Variants in SUN3 observed in about 807,000 individuals in gnomAD.
The protein encoded by SUN3 is Sad1 and UNC84 domain containing 3, also known as SUN domain-containing protein 3.
Under a neutral mutation model 48.2 loss-of-function variants are expected in SUN3, and 36 were observed. The observed-to-expected ratio is 0.75, with a 90% CI of 0.57 to 0.99. The LOEUF is 0.99. Among genes scored for constraint, SUN3 ranks in the 50% least tolerant of loss-of-function variants. The pLI is 0.00. For missense variants in SUN3, 419 were observed against 433.1 expected (o/e 0.97, Z 0.29); for synonymous variants, 148 against 147.9 (o/e 1.00, Z 0.00).
chr7:48,026,186 A>C (rs1173801654), intron 1 of SUN3, among the ~76,000 whole-genome samples: 1 of 152,128 alleles, frequency 6.6e-6, no homozygotes, highest in Admixed American at 6.5e-5. Context: ...TCTTACTTTC[A>C]CATATGCAAT....
At chr7:47,996,863 G>A (rs1789227581) in intron 6 of SUN3, among the ~76,000 whole-genome samples, 3 of 148,994 alleles carry the variant, frequency 2.0e-5, no homozygotes, top group South Asian at 4.2e-4. Context: ...GTGCAGTGGT[G>A]GAATCTTGGC....
At chr7:47,996,002 G>A in intron 7 of SUN3, 29 bp downstream of exon 7, 1 of 1,318,180 alleles carries the variant, frequency 7.6e-7, no homozygotes, top group Non-Finnish European at 1.0e-6. Context: ...TTCTAAAATA[G>A]AAATAAGTGA....
rs775470444 is a variant in SUN3 at position 47,987,313 on chromosome 7, C to A, written c.*17G>T. Reference sequence around the variant, plus strand: ...GAATATTCTGGACATGTGGCATGGCCTTCTGTACCAACTCTTCTAGATGTG... The same window carrying A: ...GAATATTCTGGACATGTGGCATGGCATTCTGTACCAACTCTTCTAGATGTG... On this transcript the variant is annotated 3_prime_UTR_variant, in exon 10 of 10. Transcript: ENST00000297325. 2.0e-5 allele frequency: 32 copies of A among 1,606,284 alleles called. No homozygotes were observed. The highest frequency in any genetic ancestry group is 2.6e-5 in the Non-Finnish European group (31 of 1,176,266).
At chr7:48,024,173 C>T (rs1013513829) in intron 2 of SUN3, among the ~76,000 whole-genome samples, 1 of 152,150 alleles carries the variant, frequency 6.6e-6, no homozygotes, top group Non-Finnish European at 1.5e-5. Flanking sequence ...ATGACACCCT[C>T]AAAATTACAA....
At chr7:48,002,847 C>A (rs1375825487) in intron 6 of SUN3, among the ~76,000 whole-genome samples, 1 of 152,160 alleles carries the variant, frequency 6.6e-6, no homozygotes, top group Non-Finnish European at 1.5e-5. Flanking sequence ...CAGGCTGAGA[C>A]TATGGGGTTT....
chr7:48,004,294 T>C (rs74490145), intron 6 of SUN3, among the ~76,000 whole-genome samples: 3,699 of 152,306 alleles, frequency 0.024, 147 homozygotes, highest in African/African-American at 0.084. Context: ...TACTGAATAT[T>C]ATACTGTAAG....
chr7:48,023,677 T>C (rs1422237317), intron 2 of SUN3, among the ~76,000 whole-genome samples: 4 of 152,216 alleles, frequency 2.6e-5, no homozygotes, highest in Admixed American at 2.6e-4. Flanking sequence ...AACTATATGC[T>C]GCTTACAAGA....
chr7:47,994,179 G>A (rs944242902), intron 8 of SUN3, 136 bp downstream of exon 8: 1 of 730,506 alleles, frequency 1.4e-6, no homozygotes, highest in African/African-American at 1.8e-5. Flanking sequence ...CTCTCTCTTT[G>A]TAGGTGAGAA....
At chr7:48,005,035 C>A (rs1455729844) in intron 6 of SUN3, among the ~76,000 whole-genome samples, 1 of 152,248 alleles carries the variant, frequency 6.6e-6, no homozygotes, top group African/African-American at 2.4e-5. Context: ...CTTTTCCTCA[C>A]TCTGCATGTG....
the SUN3 span, chr7:48,035,672 T>C: frequency 3.1e-6 from 2 of 636,598 alleles, no homozygotes; most frequent in South Asian, 3.4e-5. This position sits in a 1 kb window ranked among gnomAD's most constrained non-coding sequence, Gnocchi z 4.0. Flanking sequence ...GCGCCCACTG[T>C]GGTCCCGGGC....
chr7:48,028,852 A>G lies in SUN3; in HGVS notation c.87T>C (p.Ala29=), dbSNP rs1333672679. ...CAGGATTTTCGTCCTCTGATAACAA[A>G]GCATTGCCACTGGCGCTACCGCTGG... The part of the protein sequence containing the change: ...EDASGSASGN[A]LLSEDENPDA... Residue 29 remains alanine, a synonymous_variant, in exon 1 of 10, where the codon GCT becomes GCC. Transcript: ENST00000297325. 1 of 1,613,992 alleles carries G rather than the reference A, an allele frequency of 6.2e-7. No homozygotes were observed. The highest frequency in any genetic ancestry group is 1.7e-5 in the Admixed American group (1 of 60,026).
At chr7:48,008,952 C>G (rs1311740201) in intron 4 of SUN3, 83 bp downstream of exon 4, 1 of 1,351,870 alleles carries the variant, frequency 7.4e-7, no homozygotes, top group African/African-American at 1.5e-5. Context: ...AGTAACTTTT[C>G]TTTCTTATAC....
In SUN3 at chr7:47,996,257, C is replaced by T. The variant is rs112216751; in HGVS notation, c.578-111G>A. 564 of 603,026 alleles carry T rather than the reference C, an allele frequency of 9.4e-4. 8 individuals carry two copies. In the African/African-American group the frequency reaches 9.9e-3, roughly 11 times the overall value. 37.4% of individuals were successfully genotyped at this position (603,026 alleles called of 1,614,324 possible). On this transcript the variant is annotated intron_variant, in intron 6 of 9. Transcript: ENST00000297325. Reference sequence around the variant, plus strand: ...AAATTATTACTGGGCAAATTATAAGCGAGGTAAAATTCATACTCAGGAATT... The same window carrying T: ...AAATTATTACTGGGCAAATTATAAGTGAGGTAAAATTCATACTCAGGAATT...
chr7:48,010,608 T>A (rs1332559811), intron 3 of SUN3, among the ~76,000 whole-genome samples: 1 of 152,140 alleles, frequency 6.6e-6, no homozygotes, highest in Non-Finnish European at 1.5e-5. Context: ...CTTGGAGGAT[T>A]CCCGCAGCAG....
chr7:48,025,589 A>T (rs1346116956), intron 2 of SUN3, among the ~76,000 whole-genome samples: 1 of 152,240 alleles, frequency 6.6e-6, no homozygotes, highest in Non-Finnish European at 1.5e-5. Flanking sequence ...CAATAAATAT[A>T]TTAGAAATTC....
upstream of SUN3, chr7:48,029,192 T>C (rs1245688524): frequency 8.9e-6 from 4 of 449,340 alleles, no homozygotes; most frequent in East Asian, 4.6e-5. Flanking sequence ...GGCAACCACC[T>C]CTCTGCTTCA....
Position 48,028,902 on chromosome 7 carries a change from A to C in SUN3, c.37T>G (p.Phe13Val), listed in dbSNP as rs1790212084. The C allele has an allele frequency of 6.2e-7, 1 of 1,613,858 alleles. No individual in the cohort carries two copies. Among genetic ancestry groups the C allele is most frequent in the Admixed American group, 1.7e-5 (1 of 59,988 alleles). The change falls in exon 1 of 10, where the codon TTT becomes GTT. Residue 13 changes from phenylalanine (F) to valine (V), a missense_variant. Phe to Val is a conservative substitution (Grantham distance 50, BLOSUM62 -1). Transcript: ENST00000297325. ...GCGTCTTCAGAGCAACGTCTAAAAAACATGGCAGCCCTTCTTGCCTTTGTT... is the reference window on the plus strand; with the variant it reads ...GCGTCTTCAGAGCAACGTCTAAAAACCATGGCAGCCCTTCTTGCCTTTGTT... ...GKTKARRAAM[F>V]FRRCSEDASG...
chr7:48,017,985 C>A (rs1001921968), intron 2 of SUN3, among the ~76,000 whole-genome samples: 5 of 152,194 alleles, frequency 3.3e-5, no homozygotes. Context: ...AAGAGGCAGT[C>A]TCTTTCTGGA....
At position 48,028,883 on chromosome 7, in the gene SUN3, T is replaced by A; in HGVS notation, c.56A>T (p.Glu19Val). The A allele has an allele frequency of 6.8e-6, 11 of 1,613,996 alleles. No homozygotes were observed. The highest frequency in any genetic ancestry group is 9.3e-6 in the Non-Finnish European group (11 of 1,179,868). ...GCCACTGGCGCTACCGCTGGCGTCTTCAGAGCAACGTCTAAAAAACATGGC... is the reference window on the plus strand; with the variant it reads ...GCCACTGGCGCTACCGCTGGCGTCTACAGAGCAACGTCTAAAAAACATGGC... ...RAAMFFRRCS[E>V]DASGSASGNA... Residue 19 changes from glutamate to valine, a missense_variant, in exon 1 of 10, where the codon GAA becomes GTA. Physicochemically the swap from Glu to Val is moderately radical, Grantham distance 121 (BLOSUM62 -2). Coordinates refer to ENST00000297325, the MANE Select transcript of SUN3 (RefSeq NM_001030019.2).
Sources: allele counts gnomAD v4.1 joint callset (sites outside exome capture counted in the v4.1 genomes callset), GRCh38; gene constraint gnomAD v4.1.1; non-coding constraint Gnocchi (gnomAD v3.1); transcripts MANE v1.5; gene names NCBI Gene and HGNC (gene_info 2026-07-23, HGNC 2026-07-21).